SLC15A5: variants seen among roughly 807,000 people sequenced by gnomAD.
SLC15A5 encodes the protein Peptide/histidine transporter ENSP00000340402.
A neutral mutation model predicts 56.1 loss-of-function variants in SLC15A5; 58 were observed. That is an observed-to-expected ratio of 1.03 (90% CI 0.84 to 1.29). The LOEUF (loss-of-function observed/expected upper bound fraction) is 1.29. SLC15A5 is among the 50% of genes most tolerant of loss of function. The pLI is 0.00. For missense variants in SLC15A5, 681 were observed against 672.1 expected (o/e 1.01, Z -0.15); for synonymous variants, 264 against 250.5 (o/e 1.05, Z -0.51).
At chr12:16,254,111 C>T (rs995788529) in intron 3 of SLC15A5, among the ~76,000 whole-genome samples, 11 of 151,926 alleles carry the variant, frequency 7.2e-5, no homozygotes, top group African/African-American at 2.7e-4. Flanking sequence ...TATTAATATC[C>T]TAATATTCTC....
At chr12:16,194,806 G>A (rs1863878085) in intron 7 of SLC15A5, among the ~76,000 whole-genome samples, 1 of 151,986 alleles carries the variant, frequency 6.6e-6, no homozygotes, top group Non-Finnish European at 1.5e-5. Context: ...ACAGTGCCTG[G>A]CATGTGGGGA....
At chr12:16,225,731 C>T (rs924504013) in intron 5 of SLC15A5, among the ~76,000 whole-genome samples, 1 of 152,160 alleles carries the variant, frequency 6.6e-6, no homozygotes, top group African/African-American at 2.4e-5. Context: ...CAGAGAAATG[C>T]AAATCAAAAC....
chr12:16,265,904 C>T (rs1451197794), intron 2 of SLC15A5, among the ~76,000 whole-genome samples: 2 of 152,098 alleles, frequency 1.3e-5, no homozygotes, highest in Non-Finnish European at 2.9e-5. Flanking sequence ...ATTTCTTTAT[C>T]TCCATGAGAC....
At chr12:16,201,177 T>A (rs951234805) in intron 7 of SLC15A5, among the ~76,000 whole-genome samples, 4 of 152,126 alleles carry the variant, frequency 2.6e-5, no homozygotes, top group Admixed American at 6.6e-5. Context: ...AATTACTTTT[T>A]AAAAAGAGAC....
At chr12:16,194,129 T>C (rs2417543) in intron 8 of SLC15A5, among the ~76,000 whole-genome samples, 73,180 of 151,814 alleles carry the variant, frequency 0.48, 18,122 homozygotes, top group South Asian at 0.72. Flanking sequence ...TGTGTTAGGA[T>C]ATGTTTTAGA....
intron 5 of SLC15A5, among the ~76,000 whole-genome samples, chr12:16,228,337 C>T (rs1864262602): frequency 6.6e-6 from 1 of 152,142 alleles, no homozygotes; most frequent in South Asian, 2.1e-4. Context: ...TGGGGCAAGA[C>T]AATGAAGTAA....
chr12:16,252,587 A>G (rs1315347164), intron 3 of SLC15A5, among the ~76,000 whole-genome samples: 1 of 152,088 alleles, frequency 6.6e-6, no homozygotes, highest in East Asian at 1.9e-4. Context: ...TTAGAAATAA[A>G]CTTAACGAAG....
Position 16,271,142 on chromosome 12 carries a change from C to G in SLC15A5, c.584+1419G>C, listed in dbSNP as rs1864750506. On this transcript the variant is annotated intron_variant, in intron 2 of 8. Coordinates refer to ENST00000344941, the MANE Select transcript of SLC15A5 (RefSeq NM_001170798.1). The surrounding 1 kb of genome is among the most constrained non-coding windows in gnomAD (Gnocchi z 8.0). Reference sequence around the variant, plus strand: ...CATTCCCCATCCCCCTTCCTGAAGCCCTAAAGCACACACCCAGTGGGAGTC... The same window carrying G: ...CATTCCCCATCCCCCTTCCTGAAGCGCTAAAGCACACACCCAGTGGGAGTC... 6.6e-6 allele frequency among the ~76,000 whole-genome samples: 1 copy of G among 152,082 alleles called. No homozygotes were observed. The highest frequency in any genetic ancestry group is 2.1e-4 in the South Asian group (1 of 4,812).
At position 16,243,096 on chromosome 12, in the gene SLC15A5, A is replaced by G. The variant is rs779435816; in HGVS notation, c.975+1484T>C. On this transcript the variant is annotated intron_variant, in intron 4 of 8. Transcript: ENST00000344941. This position sits in a 1 kb window ranked among gnomAD's most constrained non-coding sequence, Gnocchi z 4.4. Reference sequence around the variant, plus strand: ...TCCGTGGCAATTACTCAACTCTGCTATTTTTGTGCATAAGCAGACATAGAT... The same window carrying G: ...TCCGTGGCAATTACTCAACTCTGCTGTTTTTGTGCATAAGCAGACATAGAT... 1.3e-5 allele frequency among the ~76,000 whole-genome samples: 2 copies of G among 152,156 alleles called. No homozygotes were observed. Among genetic ancestry groups the G allele is most frequent in the Non-Finnish European group, 2.9e-5 (2 of 68,030 alleles).
chr12:16,263,322 T>A lies in SLC15A5; in HGVS notation c.585-5452A>T, dbSNP rs181665451. Among the ~76,000 whole-genome samples, 4 of 152,264 alleles carry A rather than the reference T, an allele frequency of 2.6e-5. No individual in the cohort carries two copies. The East Asian group carries it at 7.7e-4, about 29-fold the overall frequency. ...CCATTTTGCCCCTGCCCTAGAGATT[T>A]GTGGAACTTTGAACTTGAGAGAGAT... On this transcript the variant is annotated intron_variant, in intron 2 of 8. Coordinates refer to ENST00000344941, the MANE Select transcript of SLC15A5 (RefSeq NM_001170798.1).
At chr12:16,193,011 G>A (rs1384944712) in intron 8 of SLC15A5, among the ~76,000 whole-genome samples, 2 of 152,040 alleles carry the variant, frequency 1.3e-5, no homozygotes, top group Admixed American at 6.6e-5. Context: ...TGAAAGACAA[G>A]GATCAAACCT....
intron 3 of SLC15A5, among the ~76,000 whole-genome samples, chr12:16,245,932 G>C (rs1216612811): frequency 6.6e-6 from 1 of 152,144 alleles, no homozygotes; most frequent in Non-Finnish European, 1.5e-5. Flanking sequence ...AAAGTGGTTA[G>C]ATTGATTTGA....
In SLC15A5 at chr12:16,234,020, G is replaced by A. The variant is rs77747778; in HGVS notation, c.1162+5661C>T. Among the ~76,000 whole-genome samples the A allele has an allele frequency of 5.4e-3, 829 of 152,274 alleles. 47 individuals carry two copies. In the East Asian group the frequency reaches 0.12, roughly 22 times the overall value. ...TGTTATTCAAAAAAAGTGTGAGACT[G>A]AGTAATTTATAAAGAATAGAAATTT... On this transcript the variant is annotated intron_variant, in intron 5 of 8. Transcript: ENST00000344941.
At chr12:16,218,348 A>G (rs1190721553) in intron 6 of SLC15A5, among the ~76,000 whole-genome samples, 1 of 152,210 alleles carries the variant, frequency 6.6e-6, no homozygotes, top group Admixed American at 6.5e-5. Context: ...CAATGAAATC[A>G]TAAGTAAATA....
chr12:16,251,458 G>A (rs988017520), intron 3 of SLC15A5, among the ~76,000 whole-genome samples: 4 of 151,538 alleles, frequency 2.6e-5, no homozygotes, highest in South Asian at 2.1e-4. Context: ...GAAAAATAGA[G>A]GAAAGACTCA....
At chr12:16,206,469 C>A (rs1362954131) in intron 7 of SLC15A5, among the ~76,000 whole-genome samples, 2 of 152,088 alleles carry the variant, frequency 1.3e-5, no homozygotes, top group Non-Finnish European at 1.5e-5. Context: ...TTTCATGATA[C>A]CTGAAGGAAA....
intron 1 of SLC15A5, among the ~76,000 whole-genome samples, chr12:16,273,967 T>C (rs1799509): frequency 0.28 from 41,663 of 149,340 alleles, 7,237 homozygotes; most frequent in African/African-American, 0.48. Context: ...ATAAATATAT[T>C]TTATAAATGT....
intron 7 of SLC15A5, among the ~76,000 whole-genome samples, chr12:16,202,504 T>G (rs1343678416): frequency 6.6e-6 from 1 of 152,092 alleles, no homozygotes; most frequent in Non-Finnish European, 1.5e-5. Flanking sequence ...AGAATGCAAA[T>G]TAGTACATCT....
intron 6 of SLC15A5, among the ~76,000 whole-genome samples, chr12:16,217,986 C>T (rs1187890265): frequency 3.9e-5 from 6 of 151,948 alleles, no homozygotes; most frequent in Admixed American, 3.9e-4. Context: ...AGATTTTGTA[C>T]GTGCCATATA....
Sources: gnomAD v4.1 joint callset for allele counts (sites outside exome capture counted in the v4.1 genomes callset) on GRCh38, gnomAD v4.1.1 for gene constraint, Gnocchi (gnomAD v3.1) non-coding constraint, MANE v1.5 for transcripts, NCBI Gene and HGNC (gene_info 2026-07-23, HGNC 2026-07-21) for gene names.